Variants in DNA2 observed in about 807,000 individuals in gnomAD.
DNA2 encodes the protein DNA replication helicase/nuclease 2.
In DNA2, 101 loss-of-function variants were observed where a neutral mutation model predicts 119.1. The ratio of observed to expected loss-of-function variants is 0.85; its 90% confidence interval spans 0.72 to 1.00. The LOEUF is 1.00. Ranked by LOEUF, DNA2 falls within the 50% of genes least tolerant of loss-of-function variation. The probability of loss-of-function intolerance (pLI) is 0.00; values close to 1 mark genes in which losing one functional copy is unlikely to be tolerated. For synonymous variants in DNA2, 366 were observed against 424.4 expected (o/e 0.86, Z 1.69); for missense variants, 1,121 against 1,255.5 (o/e 0.89, Z 1.62).
chr10:68,459,014 C>T (rs1334621124), intron 5 of DNA2, 90 bp downstream of exon 5: 15 of 1,177,860 alleles, frequency 1.3e-5, no homozygotes, highest in Admixed American at 6.9e-5. Context: ...TGTAATTACT[C>T]AATCTTTAAA....
chr10:68,439,024 A>C (rs2133390200), intron 9 of DNA2, among the ~76,000 whole-genome samples: 1 of 130,028 alleles, frequency 7.7e-6, no homozygotes, highest in Non-Finnish European at 1.6e-5. Context: ...CAGAGCAAGA[A>C]TCTGTCCAAA....
At chr10:68,419,342 C>T (rs2051635890) in intron 18 of DNA2, 129 bp from the exon 19 acceptor site, 1 of 700,940 alleles carries the variant, frequency 1.4e-6, no homozygotes, top group Non-Finnish European at 2.2e-6. Context: ...ATCTCAAAGA[C>T]TGAATACAAT....
intron 2 of DNA2, among the ~76,000 whole-genome samples, chr10:68,469,744 T>G (rs2052364874): frequency 6.6e-6 from 1 of 152,074 alleles, no homozygotes; most frequent in Non-Finnish European, 1.5e-5. Flanking sequence ...GGATTACAGG[T>G]GTGAGCCACC....
intron 19 of DNA2, among the ~76,000 whole-genome samples, chr10:68,418,738 T>C (rs1299811474): frequency 6.7e-6 from 1 of 149,120 alleles, no homozygotes; most frequent in Non-Finnish European, 1.5e-5. Context: ...AATGGTACGA[T>C]CTCGGCTCAC....
chr10:68,459,690 TACA>T (rs1289021040), intron 4 of DNA2, among the ~76,000 whole-genome samples: 1 of 152,118 alleles, frequency 6.6e-6, no homozygotes, highest in Admixed American at 6.6e-5. Context: ...GTGATGGCTG[TACA>T]ACAAGGTGAA....
Position 68,414,344 on chromosome 10 carries a change from A to T in DNA2, c.*695T>A, listed in dbSNP as rs962866704. 1 of 152,110 alleles carries T rather than the reference A, an allele frequency of 6.6e-6. No individual in the cohort carries two copies. Among genetic ancestry groups the T allele is most frequent in the Non-Finnish European group, 1.5e-5 (1 of 68,032 alleles). The allele number at this position is 152,110 out of a possible 1,614,324, so 9.4% of individuals were successfully genotyped here. ...AAGGGAAAACTGAGTGATACCCCCAAACATAGGGGCATATGAACATATGTG... is the reference window on the plus strand; with the variant it reads ...AAGGGAAAACTGAGTGATACCCCCATACATAGGGGCATATGAACATATGTG... On this transcript the variant is annotated 3_prime_UTR_variant, in exon 21 of 21. Coordinates refer to ENST00000358410, the MANE Select transcript of DNA2 (RefSeq NM_001080449.3).
At chr10:68,472,111 G>C, upstream of DNA2, 1 of 1,504,602 alleles carries the variant, frequency 6.6e-7, no homozygotes, top group Non-Finnish European at 8.9e-7. Context: ...TGGGAATACA[G>C]GGAGTCTTCA....
At chr10:68,424,797 A>C in intron 14 of DNA2, 23 of 1,166,912 alleles carry the variant, frequency 2.0e-5, no homozygotes, top group Non-Finnish European at 2.7e-5. Flanking sequence ...GAAAGATGTC[A>C]TCTACACTGA....
At chr10:68,442,310 C>G (rs1229299498) in intron 9 of DNA2, among the ~76,000 whole-genome samples, 2 of 152,042 alleles carry the variant, frequency 1.3e-5, no homozygotes, top group African/African-American at 2.4e-5. Context: ...CCTCCACCTC[C>G]CGGGTTCCAG....
intron 3 of DNA2, among the ~76,000 whole-genome samples, chr10:68,466,732 C>A (rs2052331693): frequency 6.6e-6 from 1 of 152,036 alleles, no homozygotes; most frequent in African/African-American, 2.4e-5. Context: ...GCGCCCGCCA[C>A]CACACCCGGC....
Position 68,468,169 on chromosome 10 carries a change from C to T in DNA2, c.395G>A (p.Ser132Asn), listed in dbSNP as rs200469718. 2 of 1,610,118 alleles carry T rather than the reference C, an allele frequency of 1.2e-6. No individual in the cohort carries two copies. Among genetic ancestry groups the T allele is most frequent in the South Asian group, 2.2e-5 (2 of 89,654 alleles). Residue 132 changes from serine to asparagine, a missense_variant, in exon 3 of 21, where the codon AGT becomes AAT. By Grantham distance (46) the Ser-to-Asn change is conservative. Transcript: ENST00000358410. ...AGCTCTTCTCATACATCGAATACTA[C>T]TGGCTATGCTGGTGCCAGAAATCAG... The part of the protein sequence containing the change: ...DMLISGTSIA[S>N]SIRCMRRAVL...
chr10:68,438,449 G>A (rs1451722586), intron 9 of DNA2, among the ~76,000 whole-genome samples: 1 of 150,282 alleles, frequency 6.7e-6, no homozygotes, highest in African/African-American at 2.5e-5. Flanking sequence ...AACCTGGGAG[G>A]CAGAGGTTGC....
At chr10:68,446,677 G>GT (rs147563571) in intron 6 of DNA2, among the ~76,000 whole-genome samples, 1 of 152,148 alleles carries the variant, frequency 6.6e-6, no homozygotes, top group African/African-American at 2.4e-5. Context: ...AGGAGTTTGA[G>GT]ACCAGCCTGG....
chr10:68,460,959 T>C (rs1452152485), intron 4 of DNA2, among the ~76,000 whole-genome samples: 2 of 151,484 alleles, frequency 1.3e-5, no homozygotes, highest in Admixed American at 6.6e-5. Context: ...TGACATCAAA[T>C]TTCAGATAAT....
chr10:68,436,835 T>A, intron 10 of DNA2, 176 bp downstream of exon 10: 1 of 571,058 alleles, frequency 1.8e-6, no homozygotes, highest in Non-Finnish European at 3.0e-6. Flanking sequence ...TAGGGCTTCT[T>A]CCTTGGGAGT....
chr10:68,435,452 T>C (rs1564883867), intron 10 of DNA2, among the ~76,000 whole-genome samples: 1 of 150,554 alleles, frequency 6.6e-6, no homozygotes, highest in East Asian at 2.1e-4. Context: ...AGAATATACA[T>C]ACACATATAT....
intron 9 of DNA2, among the ~76,000 whole-genome samples, chr10:68,437,522 C>T (rs1311062498): frequency 6.6e-6 from 1 of 151,674 alleles, no homozygotes; most frequent in Non-Finnish European, 1.5e-5. Flanking sequence ...TGGTGGTGCT[C>T]GCCCGTAATC....
Position 68,446,389 on chromosome 10 carries a change from G to A in DNA2, c.964C>T (p.Gln322Ter). The A allele has an allele frequency of 1.3e-6, 2 of 1,591,242 alleles. No homozygotes were observed. Among genetic ancestry groups the A allele is most frequent in the East Asian group, 4.5e-5 (2 of 44,256 alleles). ...SQVVLYTLLS[Q>*]ERRADPEAGL... Reference sequence around the variant, plus strand: ...GCCTCTGGATCAGCTCTTCTCTCTTGGCTTAGTAGAGTGTACAGAACAACC... The same window carrying A: ...GCCTCTGGATCAGCTCTTCTCTCTTAGCTTAGTAGAGTGTACAGAACAACC... Residue 322 changes from glutamine to a stop codon, truncating the protein, a stop_gained, in exon 7 of 21, where the codon CAA becomes TAA. Coordinates refer to ENST00000358410, the MANE Select transcript of DNA2 (RefSeq NM_001080449.3). LOFTEE classifies it high-confidence loss of function.
At position 68,470,172 on chromosome 10, in the gene DNA2, C is replaced by G; in HGVS notation, c.75-9G>C. On this transcript the variant is annotated splice_polypyrimidine_tract_variant and intron_variant, in intron 1 of 20. Coordinates refer to ENST00000358410, the MANE Select transcript of DNA2 (RefSeq NM_001080449.3). ...CCACTTTCTTCTGAAATCTAAAGCA[C>G]ACACATACAAAACTATTTTAGCACA... 6.3e-7 allele frequency: 1 copy of G among 1,580,678 alleles called. No individual in the cohort carries two copies. Among genetic ancestry groups the G allele is most frequent in the Non-Finnish European group, 8.5e-7 (1 of 1,170,050 alleles).
Sources: allele counts gnomAD v4.1 joint callset (sites outside exome capture counted in the v4.1 genomes callset), GRCh38; gene constraint gnomAD v4.1.1; transcripts MANE v1.5; gene names NCBI Gene and HGNC (gene_info 2026-07-23, HGNC 2026-07-21).